Variants in HEXB observed in about 807,000 individuals in gnomAD.
The protein encoded by HEXB is beta-hexosaminidase subunit beta.
In HEXB, 51 loss-of-function variants were observed where a neutral mutation model predicts 71.2. The ratio of observed to expected loss-of-function variants is 0.72; its 90% CI spans 0.57 to 0.90. The LOEUF (loss-of-function observed/expected upper bound fraction) is 0.90. Ranked by LOEUF, HEXB falls within the 40% of genes least tolerant of loss-of-function variation. The pLI is 0.00. For missense variants in HEXB, 617 were observed against 677.0 expected, an observed-to-expected ratio of 0.91 and a Z score of 0.98; for synonymous variants, 266 against 249.3, an observed-to-expected ratio of 1.07 and a Z score of -0.63.
intron 1 of HEXB, among the ~76,000 whole-genome samples, chr5:74,642,860 C>G (rs919612083): frequency 6.6e-6 from 1 of 152,192 alleles, no homozygotes; most frequent in Non-Finnish European, 1.5e-5. Context: ...GTGTCACCAT[C>G]CGCTGGTGCC....
chr5:74,684,078 C>T (rs1314859761), upstream of HEXB, among the ~76,000 whole-genome samples: 1 of 152,154 alleles, frequency 6.6e-6, no homozygotes, highest in East Asian at 1.9e-4. Flanking sequence ...CTTCGCCTTC[C>T]AAAGTGCTGG....
intron 5 of HEXB, among the ~76,000 whole-genome samples, chr5:74,704,965 G>A (rs1221201469): frequency 1.3e-5 from 2 of 152,048 alleles, no homozygotes; most frequent in East Asian, 1.9e-4. Flanking sequence ...GGTAGTGGGC[G>A]CCTGTAGTCC....
intron 1 of HEXB, among the ~76,000 whole-genome samples, chr5:74,653,872 A>G (rs1236131310): frequency 6.6e-6 from 1 of 152,238 alleles, no homozygotes; most frequent in East Asian, 1.9e-4. Context: ...TCGATAGGTC[A>G]CATCTTCAAA....
At chr5:74,716,443 AT>A (rs1219535275) in intron 8 of HEXB, 143 bp from the exon 9 acceptor site, 1 of 577,236 alleles carries the variant, frequency 1.7e-6, no homozygotes, top group Non-Finnish European at 3.1e-6. Context: ...ATAACTTGTA[AT>A]TAAGTTTTTA....
intron 1 of HEXB, among the ~76,000 whole-genome samples, chr5:74,646,774 G>A (rs1748009558): frequency 6.6e-6 from 1 of 151,610 alleles, no homozygotes; most frequent in Non-Finnish European, 1.5e-5. Flanking sequence ...TCACCATCTT[G>A]GCCAGGCTGG....
At chr5:74,665,988 T>C (rs1561206484) in intron 1 of HEXB, among the ~76,000 whole-genome samples, 1 of 152,220 alleles carries the variant, frequency 6.6e-6, no homozygotes, top group Non-Finnish European at 1.5e-5. Context: ...AACACAGAAG[T>C]ACCACATCTG....
Position 74,706,479 on chromosome 5 carries a change from G to A in HEXB, c.771+1159G>A, listed in dbSNP as rs559826956. The stretch of plus-strand genomic sequence containing the variant: ...GGGTGCAGCGCATCATGCGCGAGCC[G>A]AAGCAGGGTGAGGCGTTGCCTCACT... On this transcript the variant is annotated intron_variant, in intron 6 of 13. Transcript: ENST00000261416. Among the ~76,000 whole-genome samples the A allele has an allele frequency of 3.7e-3, 569 of 152,340 alleles. 2 individuals are homozygous for A. The highest frequency in any genetic ancestry group is 0.013 in the African/African-American group (532 of 41,572).
chr5:74,720,732 G>A lies in HEXB; in HGVS notation c.1598G>A (p.Arg533His), dbSNP rs1291555996. ...GCCTATGACAGACTGACAAGGCACCGCTGCAGGATGGTCGAGTAAGAAATC... is the reference window on the plus strand; with the variant it reads ...GCCTATGACAGACTGACAAGGCACCACTGCAGGATGGTCGAGTAAGAAATC... ...DDAYDRLTRH[R>H]CRMVERGIAA... The change falls in exon 13 of 14, where the codon CGC (arginine) becomes CAC (histidine). Residue 533 changes from arginine to histidine, a missense_variant. Physicochemically the swap from Arg to His is conservative, Grantham distance 29 (BLOSUM62 0). Transcript: ENST00000261416. The A allele has an allele frequency of 1.7e-5, 27 of 1,613,022 alleles. No homozygotes were observed. The highest frequency in any genetic ancestry group is 2.2e-5 in the East Asian group (1 of 44,890).
Position 74,685,483 on chromosome 5 carries a change from G to A in HEXB, c.223G>A (p.Glu75Lys), listed in dbSNP as rs746922004. Residue 75 changes from glutamate (E) to lysine (K), a missense_variant, in exon 1 of 14, where the codon GAG (glutamate) becomes AAG (lysine). Physicochemically the swap from Glu to Lys is moderately conservative, Grantham distance 56. Transcript: ENST00000261416. ...CCCGAACCTGCTGCATCTCGCCCCGGAGAACTTCTACATCAGCCACAGCCC... is the reference window on the plus strand; with the variant it reads ...CCCGAACCTGCTGCATCTCGCCCCGAAGAACTTCTACATCAGCCACAGCCC... ...MTPNLLHLAP[E>K]NFYISHSPNS... 2 of 1,611,494 alleles carry A rather than the reference G, an allele frequency of 1.2e-6. No individual in the cohort carries two copies. Among genetic ancestry groups the A allele is most frequent in the South Asian group, 1.1e-5 (1 of 90,794 alleles).
At chr5:74,694,995 G>T (rs894081332) in intron 3 of HEXB, among the ~76,000 whole-genome samples, 40 of 151,680 alleles carry the variant, frequency 2.6e-4, no homozygotes, top group African/African-American at 9.4e-4. Context: ...TAAAGATTTG[G>T]AATCTGACTC....
At chr5:74,688,237 TTTAATA>T (rs1446233073) in intron 1 of HEXB, among the ~76,000 whole-genome samples, 5 of 82,270 alleles carry the variant, frequency 6.1e-5, no homozygotes, top group East Asian at 3.8e-4. Flanking sequence ...TTTTTTTGTA[TTTAATA>T]TTAATATTAA....
chr5:74,652,685 C>A lies in HEXB; in HGVS notation c.-377+12127C>A, dbSNP rs1748141975. Among the ~76,000 whole-genome samples the A allele has an allele frequency of 6.6e-6, 1 of 152,106 alleles. No individual in the cohort carries two copies. The highest frequency in any genetic ancestry group is 2.4e-5 in the African/African-American group (1 of 41,416). ...CTACCCCCAGGATTGTGTCCAAGTT[C>A]CAAAGTGTTCTTGAGCAGCCAAAAG... On this transcript the variant is annotated intron_variant, in intron 1 of 13. Transcript: ENST00000511181. This position sits in a 1 kb window ranked among gnomAD's most constrained non-coding sequence, Gnocchi z 5.4.
At chr5:74,666,172 G>C (rs534024523) in intron 1 of HEXB, among the ~76,000 whole-genome samples, 2 of 152,312 alleles carry the variant, frequency 1.3e-5, no homozygotes, top group South Asian at 4.1e-4. Flanking sequence ...GCAAACCATA[G>C]AAAGCATTTG....
At chr5:74,694,144 G>C (rs898786306) in intron 3 of HEXB, among the ~76,000 whole-genome samples, 2 of 152,286 alleles carry the variant, frequency 1.3e-5, no homozygotes, top group Non-Finnish European at 2.9e-5. Flanking sequence ...GGGCAACAGA[G>C]CAAGACCCCT....
chr5:74,715,771 C>G, intron 8 of HEXB, 81 bp downstream of exon 8: 1 of 993,648 alleles, frequency 1.0e-6, no homozygotes, highest in Non-Finnish European at 1.6e-6. Flanking sequence ...AATCCCAGCA[C>G]TTTGGGAGGC....
intron 1 of HEXB, among the ~76,000 whole-genome samples, chr5:74,642,607 G>A (rs767294905): frequency 6.6e-6 from 1 of 152,042 alleles, no homozygotes; most frequent in African/African-American, 2.4e-5. Context: ...CTTCCTTTGT[G>A]AGTCAAATCT....
chr5:74,712,247 C>T (rs1252404816), intron 6 of HEXB, among the ~76,000 whole-genome samples: 1 of 142,010 alleles, frequency 7.0e-6, no homozygotes, highest in Admixed American at 7.7e-5. Context: ...CACATGGACA[C>T]AGGAAGGGGA....
intron 3 of HEXB, among the ~76,000 whole-genome samples, chr5:74,695,839 T>A (rs1391290161): frequency 6.8e-5 from 9 of 132,930 alleles, no homozygotes; most frequent in Non-Finnish European, 7.9e-5. Context: ...AGACTCCGTC[T>A]AAAAAAAAAA....
At chr5:74,656,004 GGCTATTAAGTA>G (rs1226899693) in intron 1 of HEXB, among the ~76,000 whole-genome samples, 1 of 152,130 alleles carries the variant, frequency 6.6e-6, no homozygotes, top group Non-Finnish European at 1.5e-5. Context: ...GACTAGAAAA[GGCTATTAAGTA>G]GCTAGTTCAT....
Sources: allele counts gnomAD v4.1 joint callset (sites outside exome capture counted in the v4.1 genomes callset), GRCh38; gene constraint gnomAD v4.1.1; non-coding constraint Gnocchi (gnomAD v3.1); transcripts MANE v1.5; gene names NCBI Gene and HGNC (gene_info 2026-07-23, HGNC 2026-07-21).